The following RANBP9 variants were observed in gnomAD, a reference collection of about 807,000 sequenced individuals.
RANBP9 encodes RAN binding protein 9, also known as ran-binding protein 9.
RANBP9 carries 15 observed loss-of-function variants against 84.3 expected under a neutral mutation model. That is an observed-to-expected ratio of 0.18 (90% confidence interval 0.12 to 0.27). The LOEUF is 0.27. Ranked by LOEUF, RANBP9 falls within the 10% of genes least tolerant of loss-of-function variation. The probability of loss-of-function intolerance (pLI) is 1.00; values close to 1 mark genes in which losing one functional copy is unlikely to be tolerated. For synonymous variants in RANBP9, 392 were observed against 349.6 expected (o/e 1.12, Z -1.35); for missense variants, 809 against 912.8 (o/e 0.89, Z 1.46).
chr6:13,651,846 T>C (rs888122324), intron 5 of RANBP9, among the ~76,000 whole-genome samples: 3 of 152,312 alleles, frequency 2.0e-5, no homozygotes, highest in East Asian at 3.9e-4. Context: ...AGATGATCTA[T>C]TAATAGCTTA....
intron 2 of RANBP9, among the ~76,000 whole-genome samples, chr6:13,688,413 G>A (rs1306711622): frequency 6.6e-6 from 1 of 152,058 alleles, no homozygotes; most frequent in Non-Finnish European, 1.5e-5. Flanking sequence ...TCACCACCCT[G>A]TCTTCCAACA....
At position 13,663,948 on chromosome 6, in the gene RANBP9, A is replaced by G. The variant is rs1010082334; in HGVS notation, c.684-5116T>C. 5.3e-5 allele frequency among the ~76,000 whole-genome samples: 8 copies of G among 152,158 alleles called. No homozygotes were observed. The East Asian group carries it at 1.3e-3, about 26-fold the overall frequency. On this transcript the variant is annotated intron_variant, in intron 2 of 13. Transcript: ENST00000011619. ...GCTTAATAGTGAAATACTGAACACT[A>G]TTCTCCAAGGACCAACAAAAAAGCA...
intron 5 of RANBP9, among the ~76,000 whole-genome samples, chr6:13,648,219 G>A (rs987532981): frequency 2.9e-5 from 4 of 138,524 alleles, no homozygotes; most frequent in Non-Finnish European, 4.6e-5. Context: ...GCATAATCTC[G>A]GTTCACTGCA....
At chr6:13,667,507 C>T (rs766868934) in intron 2 of RANBP9, among the ~76,000 whole-genome samples, 8 of 152,144 alleles carry the variant, frequency 5.3e-5, no homozygotes, top group Admixed American at 1.3e-4. Flanking sequence ...ACAAATGTTT[C>T]GGTCAACAAC....
chr6:13,644,305 TTTCC>T (rs1476632313), intron 6 of RANBP9, among the ~76,000 whole-genome samples: 1 of 152,234 alleles, frequency 6.6e-6, no homozygotes, highest in Non-Finnish European at 1.5e-5. Context: ...CATCATTTTA[TTTCC>T]TTCATCAAAT....
chr6:13,673,526 A>G (rs982756766), intron 2 of RANBP9, among the ~76,000 whole-genome samples: 9 of 152,244 alleles, frequency 5.9e-5, no homozygotes, highest in Admixed American at 2.6e-4. Flanking sequence ...GATCACATAG[A>G]TAAGTATTCA....
chr6:13,706,767 C>T (rs1374222475), intron 1 of RANBP9, among the ~76,000 whole-genome samples: 4 of 151,674 alleles, frequency 2.6e-5, no homozygotes, highest in African/African-American at 9.7e-5. Flanking sequence ...TTTGGGAGGC[C>T]GAGGCGGGCA....
chr6:13,663,995 C>T (rs1450627792), intron 2 of RANBP9, among the ~76,000 whole-genome samples: 2 of 152,014 alleles, frequency 1.3e-5, no homozygotes, highest in Non-Finnish European at 2.9e-5. Context: ...GCTCACCACT[C>T]GTATTCAACA....
At position 13,634,464 on chromosome 6, in the gene RANBP9, C is replaced by T; in HGVS notation, c.1762G>A (p.Asp588Asn). Residue 588 changes from aspartate (D) to asparagine (N), a missense_variant, in exon 11 of 14, where the codon GAC becomes AAC. Transcript: ENST00000011619. ...GTGTCACAATCTTCCATTTCGTGGT[C>T]ATGTTTAGAGCTACCATTTAGGAAA... Reference protein sequence around the residue: ...NGFLNGSSKHDHEMEDCDTEM... With the variant: ...NGFLNGSSKHNHEMEDCDTEM... 6.2e-7 allele frequency: 1 copy of T among 1,613,572 alleles called. No homozygotes were observed. The highest frequency in any genetic ancestry group is 2.2e-5 in the East Asian group (1 of 44,852).
intron 2 of RANBP9, among the ~76,000 whole-genome samples, chr6:13,679,351 A>C (rs1765975867): frequency 6.6e-6 from 1 of 152,214 alleles, no homozygotes; most frequent in Non-Finnish European, 1.5e-5. Flanking sequence ...CTATTCATTT[A>C]TCCTGCCTTT....
At chr6:13,647,877 T>C (rs1389853124) in intron 5 of RANBP9, among the ~76,000 whole-genome samples, 1 of 152,140 alleles carries the variant, frequency 6.6e-6, no homozygotes, top group East Asian at 1.9e-4. Context: ...ATTAAGGACA[T>C]AGTCCTTAAC....
At chr6:13,671,432 G>C (rs555272786) in intron 2 of RANBP9, among the ~76,000 whole-genome samples, 2 of 152,020 alleles carry the variant, frequency 1.3e-5, no homozygotes, top group Non-Finnish European at 2.9e-5. Flanking sequence ...TTAATACAAT[G>C]GAATATTAAT....
intron 12 of RANBP9, among the ~76,000 whole-genome samples, chr6:13,631,786 T>A (rs948738702): frequency 2.6e-5 from 4 of 152,222 alleles, no homozygotes; most frequent in African/African-American, 7.2e-5. Context: ...TACACAAAAC[T>A]GTGGCTACTT....
At chr6:13,635,865 A>C (rs1020407489) in intron 10 of RANBP9, among the ~76,000 whole-genome samples, 3 of 151,936 alleles carry the variant, frequency 2.0e-5, no homozygotes, top group African/African-American at 7.3e-5. Context: ...CGTTCATTTA[A>C]CACACATTTA....
chr6:13,627,267 C>G (rs1764634271), intron 12 of RANBP9, among the ~76,000 whole-genome samples: 1 of 152,122 alleles, frequency 6.6e-6, no homozygotes, highest in Non-Finnish European at 1.5e-5. Context: ...TAACCCAACC[C>G]ACACTTCCCA....
At chr6:13,646,504 A>G (rs1340680881) in intron 5 of RANBP9, among the ~76,000 whole-genome samples, 4 of 152,210 alleles carry the variant, frequency 2.6e-5, no homozygotes. Context: ...TAAGCCAAAC[A>G]CAATTGAGTG....
At chr6:13,647,696 GTA>G (rs1389638405) in intron 5 of RANBP9, among the ~76,000 whole-genome samples, 2 of 152,026 alleles carry the variant, frequency 1.3e-5, no homozygotes, top group Non-Finnish European at 2.9e-5. Flanking sequence ...GTACATTTCT[GTA>G]TATATAAACA....
chr6:13,665,157 G>T (rs909934075), intron 2 of RANBP9, among the ~76,000 whole-genome samples: 4 of 152,034 alleles, frequency 2.6e-5, no homozygotes, highest in Admixed American at 2.6e-4. Context: ...AACTATAAAG[G>T]TTCTATAAGA....
At chr6:13,628,004 T>A (rs895701156) in intron 12 of RANBP9, among the ~76,000 whole-genome samples, 2 of 152,228 alleles carry the variant, frequency 1.3e-5, no homozygotes, top group Non-Finnish European at 2.9e-5. Flanking sequence ...CTGCAGTGTT[T>A]AAAAACTCAG....
Sources: gnomAD v4.1 joint callset for allele counts (sites outside exome capture counted in the v4.1 genomes callset) on GRCh38, gnomAD v4.1.1 for gene constraint, MANE v1.5 for transcripts, NCBI Gene and HGNC (gene_info 2026-07-23, HGNC 2026-07-21) for gene names.